Variants in WDR46 observed in about 807,000 individuals in gnomAD.
WDR46 encodes the protein WD repeat domain 46, also known as WD repeat-containing protein 46.
A neutral mutation model predicts 74.7 loss-of-function variants in WDR46; 58 were observed. That is an observed-to-expected ratio of 0.78 (90% CI 0.63 to 0.97). The LOEUF is 0.97. Ranked by LOEUF, WDR46 falls within the 50% of genes least tolerant of loss-of-function variation. The probability of loss-of-function intolerance (pLI) is 0.00; values close to 1 mark genes in which losing one functional copy is unlikely to be tolerated. For missense variants in WDR46, 702 were observed against 790.1 expected (o/e 0.89, Z 1.34); for synonymous variants, 278 against 297.3 (o/e 0.93, Z 0.67).
chr6:33,288,980 G>C lies in WDR46; in HGVS notation c.103C>G (p.Pro35Ala). ...CCTGGAGAGGCTCCGGCTGTGGTCG[G>C]AACGGTCTCTTCCTCCCAGTATCGC... ...PRRYWEEETV[P>A]TTAGASPGPP... Residue 35 changes from proline to alanine, a missense_variant, in exon 2 of 15, where the codon CCG becomes GCG. Physicochemically the swap from Pro to Ala is conservative, Grantham distance 27 (BLOSUM62 -1). Transcript: ENST00000374617. The C allele has an allele frequency of 6.2e-7, 1 of 1,614,010 alleles. No homozygotes were observed. Among genetic ancestry groups the C allele is most frequent in the African/African-American group, 1.3e-5 (1 of 74,988 alleles).
Position 33,280,969 on chromosome 6 carries a change from G to A in WDR46, c.1134C>T (p.Gly378=). 10 of 1,607,936 alleles carry A rather than the reference G, an allele frequency of 6.2e-6. No individual in the cohort carries two copies. Among genetic ancestry groups the A allele is most frequent in the East Asian group, 2.2e-5 (1 of 44,782 alleles). Residue 378 remains glycine, a synonymous_variant, in exon 11 of 15, where the codon GGC becomes GGT. Coordinates refer to ENST00000374617, the MANE Select transcript of WDR46 (RefSeq NM_005452.6). ...CAAAGATCTTCAGCTGGTGGTCTAG[G>A]CCAGAGGTGGCCATGTACCTGGTGA... ...DSTGTYMATS[G]LDHQLKIFDL...
chr6:33,280,695 T>C lies in WDR46; in HGVS notation c.1408A>G (p.Ile470Val). 6.3e-7 allele frequency: 1 copy of C among 1,586,810 alleles called. No individual in the cohort carries two copies. Among genetic ancestry groups the C allele is most frequent in the Non-Finnish European group, 8.6e-7 (1 of 1,163,564 alleles). Residue 470 changes from isoleucine to valine, a missense_variant, in exon 11 of 15, where the codon ATC becomes GTC. Coordinates refer to ENST00000374617, the MANE Select transcript of WDR46 (RefSeq NM_005452.6). ...TCACCAGGGACCAGCATGCTGGTGA[T>C]GCCCCCAGTGTGCCCCACCCCCAGC... is the stretch of plus-strand genomic sequence containing the variant. ...DVLGVGHTGG[I>V]TSMLVPGAGE...
chr6:33,279,642 C>T, intron 13 of WDR46, 32 bp from the exon 14 acceptor site: 1 of 1,613,842 alleles, frequency 6.2e-7, no homozygotes, highest in Non-Finnish European at 8.5e-7. Context: ...ATATCTGTTA[C>T]AGCCTCGGAG....
chr6:33,281,670 C>G (rs1485770116), intron 10 of WDR46, among the ~76,000 whole-genome samples: 1 of 152,140 alleles, frequency 6.6e-6, no homozygotes, highest in African/African-American at 2.4e-5. Context: ...AAAGTGAAGG[C>G]TCCAAGGACT....
chr6:33,287,929 C>CT (rs761376058), intron 6 of WDR46, 36 bp downstream of exon 6: 2 of 1,611,518 alleles, frequency 1.2e-6, no homozygotes, highest in Non-Finnish European at 1.7e-6. Flanking sequence ...TAAGGAAACA[C>CT]ATCTTAGTTC....
intron 10 of WDR46, among the ~76,000 whole-genome samples, chr6:33,283,711 C>G (rs779943361): frequency 6.6e-6 from 1 of 152,042 alleles, no homozygotes; most frequent in South Asian, 2.1e-4. Context: ...ACCAGCCAAG[C>G]CAACATGGCA....
intron 12 of WDR46, 29 bp from the exon 13 acceptor site, chr6:33,279,888 A>G: frequency 1.2e-5 from 20 of 1,610,898 alleles, no homozygotes; most frequent in Non-Finnish European, 1.7e-5. Context: ...GACAGGACTC[A>G]GCAAGGAGCC....
rs201771564 is a variant in WDR46 at position 33,288,793 on chromosome 6, C to T, written c.279+11G>A. 1.2e-5 allele frequency: 20 copies of T among 1,613,936 alleles called. No individual in the cohort carries two copies. Among genetic ancestry groups the T allele is most frequent in the Middle Eastern group, 3.3e-4 (2 of 6,084 alleles). On this transcript the variant is annotated intron_variant, in intron 2 of 14. Coordinates refer to ENST00000374617, the MANE Select transcript of WDR46 (RefSeq NM_005452.6). Reference sequence around the variant, plus strand: ...CGGCCTGCCTCGCCACCCATCAGGTCCCACGCTCACCCCGGACAAGCCGCG... The same window carrying T: ...CGGCCTGCCTCGCCACCCATCAGGTTCCACGCTCACCCCGGACAAGCCGCG...
chr6:33,280,681 C>A lies in WDR46; in HGVS notation c.1422G>T (p.Leu474=). The A allele has an allele frequency of 6.3e-7, 1 of 1,583,422 alleles. No individual in the cohort carries two copies. Among genetic ancestry groups the A allele is most frequent in the South Asian group, 1.2e-5 (1 of 86,626 alleles). Residue 474 remains leucine (L), a synonymous_variant, in exon 11 of 15, where the codon CTG becomes CTT. Transcript: ENST00000374617. ...VGHTGGITSM[L]VPGAGEPNFD... The stretch of plus-strand genomic sequence containing the variant: ...ATCCCCTGGCCCACTCACCAGGGAC[C>A]AGCATGCTGGTGATGCCCCCAGTGT...
intron 10 of WDR46, among the ~76,000 whole-genome samples, 197 bp from the exon 11 acceptor site, chr6:33,281,184 G>A (rs570507998): frequency 6.6e-6 from 1 of 152,314 alleles, no homozygotes; most frequent in South Asian, 2.1e-4. Context: ...CCCTTTAAGA[G>A]GTGAGGAAAC....
At chr6:33,281,639 T>TCTCTGGCA (rs1766193095) in intron 10 of WDR46, among the ~76,000 whole-genome samples, 1 of 152,118 alleles carries the variant, frequency 6.6e-6, no homozygotes, top group African/African-American at 2.4e-5. Context: ...CCAACATTGC[T>TCTCTGGCA]CTCTGGCAGT....
chr6:33,280,877 A>G lies in WDR46; in HGVS notation c.1226T>C (p.Phe409Ser), dbSNP rs922800466. 3 of 1,614,100 alleles carry G rather than the reference A, an allele frequency of 1.9e-6. No individual in the cohort carries two copies. The highest frequency in any genetic ancestry group is 2.5e-6 in the Non-Finnish European group (3 of 1,179,940). Residue 409 changes from phenylalanine (F) to serine (S), a missense_variant, in exon 11 of 15, where the codon TTC becomes TCC. Phe to Ser is a radical substitution (Grantham distance 155). Coordinates refer to ENST00000374617, the MANE Select transcript of WDR46 (RefSeq NM_005452.6). ...CGCCACCAGCAGTCCCCTCTGGGAGAAGGCCAGGTGCCCTGCTCCATGGGG... is the reference window on the plus strand; with the variant it reads ...CGCCACCAGCAGTCCCCTCTGGGAGGAGGCCAGGTGCCCTGCTCCATGGGG... The part of the protein sequence containing the change: ...TLPHGAGHLA[F>S]SQRGLLVAGM...
At chr6:33,285,399 TGCCA>T (rs1397669433) in intron 10 of WDR46, among the ~76,000 whole-genome samples, 1 of 151,976 alleles carries the variant, frequency 6.6e-6, no homozygotes, top group African/African-American at 2.4e-5. Context: ...GACAGAGTTT[TGCCA>T]TGTCATGGGT....
chr6:33,280,467 C>T lies in WDR46; in HGVS notation c.1485G>A (p.Lys495=). 1 of 1,595,990 alleles carries T rather than the reference C, an allele frequency of 6.3e-7. No homozygotes were observed. Among genetic ancestry groups the T allele is most frequent in the Non-Finnish European group, 8.5e-7 (1 of 1,170,166 alleles). The change falls in exon 12 of 15, where the codon AAG becomes AAA. Residue 495 remains lysine (K), a synonymous_variant. Transcript: ENST00000374617. ...GLESNPYRSR[K]QRQEWEVKAL... ...CCTTCACCTCCCACTCCTGGCGCTGCTTCCGGCTTCTGTATGGATTACTCT... is the reference window on the plus strand; with the variant it reads ...CCTTCACCTCCCACTCCTGGCGCTGTTTCCGGCTTCTGTATGGATTACTCT...
Position 33,280,436 on chromosome 6 carries a change from G to A in WDR46, c.1516C>T (p.Leu506=). 1 of 1,577,068 alleles carries A rather than the reference G, an allele frequency of 6.3e-7. No homozygotes were observed. The highest frequency in any genetic ancestry group is 8.6e-7 in the Non-Finnish European group (1 of 1,159,704). Residue 506 remains leucine (L), a synonymous_variant, in exon 12 of 15, where the codon CTA becomes TTA. Coordinates refer to ENST00000374617, the MANE Select transcript of WDR46 (RefSeq NM_005452.6). ...QRQEWEVKAL[L]EKVPAELICL... ...CAGCAGGGGAGCCTCACCTTCTCTA[G>A]CAGGGCCTTCACCTCCCACTCCTGG... is the stretch of plus-strand genomic sequence containing the variant.
Position 33,280,993 on chromosome 6 carries a change from GA to G in WDR46, c.1116-7del. On this transcript the variant is annotated splice_region_variant and splice_polypyrimidine_tract_variant and intron_variant, in intron 10 of 14. Transcript: ENST00000374617. ...GGCCAGAGGTGGCCATGTACCTGGT[GA>G]GAGAAGAGGGATCAATTAATATGTC... The G allele has an allele frequency of 1.3e-6, 2 of 1,586,404 alleles. No homozygotes were observed. The highest frequency in any genetic ancestry group is 1.7e-6 in the Non-Finnish European group (2 of 1,164,392).
At chr6:33,279,713 G>A in intron 13 of WDR46, 51 bp downstream of exon 13, 1 of 1,612,578 alleles carries the variant, frequency 6.2e-7, no homozygotes, top group Non-Finnish European at 8.5e-7. Context: ...ATGGTGGGGA[G>A]AGGATGTGGG....
chr6:33,280,639 C>CATTCA, intron 11 of WDR46, 35 bp downstream of exon 11: 1 of 1,591,644 alleles, frequency 6.3e-7, no homozygotes, highest in Non-Finnish European at 8.6e-7. Context: ...ACCCAGAGTT[C>CATTCA]ATTCACTTCA....
intron 4 of WDR46, 40 bp from the exon 5 acceptor site, chr6:33,288,275 A>G (rs1203026198): frequency 1.2e-6 from 2 of 1,613,538 alleles, no homozygotes; most frequent in Non-Finnish European, 1.7e-6. Flanking sequence ...GCTTCCCAAT[A>G]TGAAGCAAGT....
Sources: gnomAD v4.1 joint callset for allele counts (sites outside exome capture counted in the v4.1 genomes callset) on GRCh38, gnomAD v4.1.1 for gene constraint, MANE v1.5 for transcripts, NCBI Gene and HGNC (gene_info 2026-07-23, HGNC 2026-07-21) for gene names.